CFAP57: variants seen among roughly 807,000 people sequenced by gnomAD.
CFAP57 encodes cilia- and flagella-associated protein 57.
In CFAP57, 116 loss-of-function variants were observed where a neutral mutation model predicts 146.8. The observed-to-expected ratio is 0.79, with a 90% confidence interval of 0.68 to 0.92. CFAP57 has a LOEUF of 0.92. Ranked by LOEUF, CFAP57 falls within the 40% of genes least tolerant of loss-of-function variation. CFAP57 has a pLI of 0.00. For missense variants in CFAP57, 1,377 were observed against 1,527.2 expected (o/e 0.90, Z 1.64); for synonymous variants, 518 against 552.8 (o/e 0.94, Z 0.88).
chr1:43,205,625 G>A (rs1217038837), intron 9 of CFAP57, among the ~76,000 whole-genome samples: 1 of 152,220 alleles, frequency 6.6e-6, no homozygotes, highest in Non-Finnish European at 1.5e-5. Flanking sequence ...TGAGCTTAGA[G>A]TGGAGTTTCT....
At chr1:43,175,441 T>A (rs1645134623) in intron 2 of CFAP57, among the ~76,000 whole-genome samples, 1 of 152,036 alleles carries the variant, frequency 6.6e-6, no homozygotes, top group African/African-American at 2.4e-5. Context: ...TCTTTTTTGT[T>A]CTGTTATCTC....
intron 14 of CFAP57, 25 bp downstream of exon 14, chr1:43,221,490 T>C (rs779635314): frequency 1.1e-5 from 16 of 1,456,758 alleles, no homozygotes; most frequent in Non-Finnish European, 1.5e-5. Context: ...AGAGGCCTCG[T>C]TGGTTAGGGT....
chr1:43,208,661 G>A (rs116039993), intron 10 of CFAP57, among the ~76,000 whole-genome samples: 2,880 of 152,274 alleles, frequency 0.019, 43 homozygotes, highest in Non-Finnish European at 0.03. Flanking sequence ...GGGGGAACAG[G>A]GAGGGATAGC....
chr1:43,179,299 A>G (rs1425904170), intron 2 of CFAP57, among the ~76,000 whole-genome samples: 2 of 152,176 alleles, frequency 1.3e-5, no homozygotes, highest in African/African-American at 2.4e-5. Context: ...TAATAAAAGG[A>G]TATCTATGTG....
intron 17 of CFAP57, among the ~76,000 whole-genome samples, chr1:43,224,940 A>G (rs1379544826): frequency 6.6e-6 from 1 of 152,194 alleles, no homozygotes; most frequent in Non-Finnish European, 1.5e-5. Context: ...TTTCTCACCT[A>G]TAAAATGGGG....
intron 3 of CFAP57, among the ~76,000 whole-genome samples, chr1:43,182,324 C>T (rs565690964): frequency 3.3e-4 from 50 of 152,216 alleles, no homozygotes; most frequent in African/African-American, 5.3e-4. Context: ...TATTGTGTCT[C>T]GAGGGCAAAA....
intron 11 of CFAP57, 72 bp downstream of exon 11, chr1:43,209,988 C>T (rs1644528660): frequency 1.2e-6 from 2 of 1,612,990 alleles, no homozygotes; most frequent in Non-Finnish European, 8.5e-7. Flanking sequence ...TCCCTTCAAC[C>T]TCCCAATGTC....
intron 8 of CFAP57, 107 bp from the exon 9 acceptor site, chr1:43,199,283 C>G: frequency 9.8e-7 from 1 of 1,025,580 alleles, no homozygotes; most frequent in Non-Finnish European, 1.6e-6. Context: ...CCCACCCTCA[C>G]ACGTAGTTTC....
intron 6 of CFAP57, among the ~76,000 whole-genome samples, chr1:43,195,839 A>G (rs747330943): frequency 2.6e-5 from 4 of 152,220 alleles, no homozygotes; most frequent in Non-Finnish European, 5.9e-5. Context: ...GTTGGTGCCT[A>G]CTTATCATAG....
At position 43,172,882 on chromosome 1, in the gene CFAP57, G is replaced by A; in HGVS notation, c.129G>A (p.Val43=). The A allele has an allele frequency of 1.2e-6, 2 of 1,614,052 alleles. No individual in the cohort carries two copies. Among genetic ancestry groups the A allele is most frequent in the East Asian group, 2.2e-5 (1 of 44,876 alleles). ...PSGNHCVKYN[V]DQKWQKFIPG... is the part of the protein sequence containing the mutation. ...GAAATCACTGTGTGAAGTACAATGT[G>A]GATCAGAAATGGCAAAAATTCATTC... The change falls in exon 2 of 23, where the codon GTG becomes GTA. Residue 43 remains valine, a synonymous_variant. Coordinates refer to ENST00000372492, the MANE Select transcript of CFAP57 (RefSeq NM_001378189.1).
intron 6 of CFAP57, among the ~76,000 whole-genome samples, chr1:43,188,586 A>AT (rs1400085133): frequency 6.6e-6 from 1 of 152,082 alleles, no homozygotes; most frequent in Non-Finnish European, 1.5e-5. Context: ...GTCTATTCAG[A>AT]TTTTTTGCCC....
At chr1:43,196,936 C>A (rs1643889101) in intron 6 of CFAP57, among the ~76,000 whole-genome samples, 1 of 152,056 alleles carries the variant, frequency 6.6e-6, no homozygotes, top group Admixed American at 6.5e-5. Context: ...TAGTGTTATT[C>A]CTATAATAAA....
chr1:43,231,057 C>T (rs978278947), intron 18 of CFAP57, among the ~76,000 whole-genome samples: 1 of 152,202 alleles, frequency 6.6e-6, no homozygotes, highest in Admixed American at 6.5e-5. Context: ...GTTTCAGGCT[C>T]TTTTCGTGTC....
intron 9 of CFAP57, among the ~76,000 whole-genome samples, chr1:43,200,863 G>T (rs975086067): frequency 6.6e-6 from 1 of 152,198 alleles, no homozygotes; most frequent in African/African-American, 2.4e-5. Flanking sequence ...CAACGGAAAG[G>T]ATTTAAGCAA....
At chr1:43,227,287 C>T (rs931443079) in intron 18 of CFAP57, among the ~76,000 whole-genome samples, 161 bp downstream of exon 18, 35 of 152,186 alleles carry the variant, frequency 2.3e-4, no homozygotes, top group South Asian at 6.2e-4. Context: ...CAGGGAAGGC[C>T]GTGGCCCCGC....
intron 2 of CFAP57, among the ~76,000 whole-genome samples, chr1:43,179,724 C>T (rs994791179): frequency 1.3e-4 from 20 of 152,150 alleles, no homozygotes; most frequent in African/African-American, 4.8e-4. Flanking sequence ...GAACCATGTC[C>T]ACCTGCTGGA....
At position 43,234,274 on chromosome 1, in the gene CFAP57, T is replaced by G; in HGVS notation, c.3127-5T>G. On this transcript the variant is annotated splice_polypyrimidine_tract_variant and splice_region_variant and intron_variant, in intron 19 of 22. Transcript: ENST00000372492. ...AGCACCAGAAGGAAACGTCTCTGAT[T>G]GCAGGAGCGAGACTTGGAAGCGCTG... The G allele has an allele frequency of 6.5e-7, 1 of 1,542,432 alleles. No homozygotes were observed. The highest frequency in any genetic ancestry group is 2.0e-5 in the Admixed American group (1 of 49,930).
intron 1 of CFAP57, 78 bp from the exon 2 acceptor site, chr1:43,172,657 A>T: frequency 9.3e-7 from 1 of 1,071,508 alleles, no homozygotes; most frequent in Non-Finnish European, 1.2e-6. Flanking sequence ...AAGGGCGGGG[A>T]GGGCGAGTCC....
Position 43,219,387 on chromosome 1 carries a change from G to C in CFAP57, c.2097G>C (p.Gln699His). Residue 699 changes from glutamine (Q) to histidine (H), a missense_variant, in exon 13 of 23, where the codon CAG (glutamine) becomes CAC (histidine). Coordinates refer to ENST00000372492, the MANE Select transcript of CFAP57 (RefSeq NM_001378189.1). The part of the protein sequence containing the change: ...VTKTDMEEKA[Q>H]VMLELKTRVE... ...CTTCTGTCCTTCTCCCAAAGGCTCA[G>C]GTTATGTTGGAGCTAAAGACTCGTG... 1 of 1,550,054 alleles carries C rather than the reference G, an allele frequency of 6.5e-7. No homozygotes were observed.
Sources: allele counts gnomAD v4.1 joint callset (sites outside exome capture counted in the v4.1 genomes callset), GRCh38; gene constraint gnomAD v4.1.1; transcripts MANE v1.5; gene names NCBI Gene and HGNC (gene_info 2026-07-23, HGNC 2026-07-21).